MED13L: variants seen among roughly 807,000 people sequenced by gnomAD.
The protein encoded by MED13L is mediator complex subunit 13L.
Under a neutral mutation model 220.9 loss-of-function variants are expected in MED13L, and 7 were observed. The observed-to-expected ratio is 0.03, with a 90% confidence interval of 0.02 to 0.06. The LOEUF (loss-of-function observed/expected upper bound fraction) is 0.06. Ranked by LOEUF, MED13L falls within the 10% of genes least tolerant of loss-of-function variation. The pLI is 1.00. For missense variants in MED13L, 1,965 were observed against 2,760.5 expected (o/e 0.71, Z 6.46); for synonymous variants, 1,011 against 1,015.2 (o/e 1.00, Z 0.08).
chr12:116,260,103 T>C (rs986820126), intron 1 of MED13L, among the ~76,000 whole-genome samples: 1 of 152,214 alleles, frequency 6.6e-6, no homozygotes, highest in Non-Finnish European at 1.5e-5. Context: ...TTGTATTTCT[T>C]GGAAATATTT....
chr12:116,023,104 G>C (rs1241331918), intron 4 of MED13L, among the ~76,000 whole-genome samples: 2 of 152,038 alleles, frequency 1.3e-5, no homozygotes, highest in Non-Finnish European at 2.9e-5. Flanking sequence ...AAACCAGCCT[G>C]GGCAACATAA....
chr12:116,042,245 G>A (rs188430917), intron 4 of MED13L, among the ~76,000 whole-genome samples: 1 of 152,310 alleles, frequency 6.6e-6, no homozygotes, highest in East Asian at 1.9e-4. Flanking sequence ...TTCTAACTGG[G>A]TTATTTAAAG....
intron 2 of MED13L, among the ~76,000 whole-genome samples, chr12:116,190,257 TGA>T: frequency 6.6e-6 from 1 of 152,210 alleles, no homozygotes; most frequent in Non-Finnish European, 1.5e-5. Context: ...ACAATTTTTC[TGA>T]GAGTTTTTAA....
intron 2 of MED13L, among the ~76,000 whole-genome samples, chr12:116,121,118 G>A (rs1169324851): frequency 1.3e-5 from 2 of 152,060 alleles, no homozygotes; most frequent in Non-Finnish European, 2.9e-5. Flanking sequence ...ATGTGTTTAC[G>A]TTGCTGTTAT....
At chr12:116,166,004 C>T (rs536425104) in intron 2 of MED13L, among the ~76,000 whole-genome samples, 2 of 152,280 alleles carry the variant, frequency 1.3e-5, no homozygotes, top group South Asian at 4.1e-4. Flanking sequence ...ATTGTCATTC[C>T]TCTCTTCATC....
At chr12:116,051,849 AT>A (rs1868533769) in intron 4 of MED13L, among the ~76,000 whole-genome samples, 1 of 152,142 alleles carries the variant, frequency 6.6e-6, no homozygotes, top group Admixed American at 6.6e-5. Flanking sequence ...AGTATTTCAG[AT>A]TTTGGACTGA....
chr12:116,013,634 A>T (rs73198007), intron 8 of MED13L, among the ~76,000 whole-genome samples: 8 of 152,378 alleles, frequency 5.3e-5, no homozygotes, highest in African/African-American at 1.4e-4. Context: ...AGCATTTAAG[A>T]GCAGCACTCC....
At chr12:116,134,382 C>T (rs1876340509) in intron 2 of MED13L, among the ~76,000 whole-genome samples, 1 of 152,130 alleles carries the variant, frequency 6.6e-6, no homozygotes, top group South Asian at 2.1e-4. Context: ...GCTGAATTTA[C>T]AATTTATATT....
At chr12:116,241,689 T>C (rs189322354) in intron 1 of MED13L, among the ~76,000 whole-genome samples, 2 of 152,342 alleles carry the variant, frequency 1.3e-5, no homozygotes, top group Non-Finnish European at 2.9e-5. Flanking sequence ...TTCTTACAAA[T>C]GCAAGTGACA....
chr12:116,114,404 C>T (rs1314287650), intron 2 of MED13L, among the ~76,000 whole-genome samples: 1 of 152,172 alleles, frequency 6.6e-6, no homozygotes, highest in Non-Finnish European at 1.5e-5. Flanking sequence ...ACCACAATTG[C>T]TGTATAGCTG....
chr12:116,259,223 AT>A (rs1166716593), intron 1 of MED13L, among the ~76,000 whole-genome samples: 3 of 152,240 alleles, frequency 2.0e-5, no homozygotes, highest in Non-Finnish European at 2.9e-5. Context: ...ATTTACTGAC[AT>A]AAAAATACTT....
intron 2 of MED13L, among the ~76,000 whole-genome samples, chr12:116,234,577 A>C (rs1869892432): frequency 6.6e-6 from 1 of 151,914 alleles, no homozygotes; most frequent in Non-Finnish European, 1.5e-5. Flanking sequence ...GAAACAGTAA[A>C]ATGTCCCTAT....
chr12:116,033,747 A>AGT (rs78671683), intron 4 of MED13L, among the ~76,000 whole-genome samples: 3,470 of 151,260 alleles, frequency 0.023, 61 homozygotes, highest in African/African-American at 0.048. Context: ...ATGAATCATG[A>AGT]GTGTGTGTGT....
chr12:116,216,503 T>G (rs190802188), intron 2 of MED13L, among the ~76,000 whole-genome samples: 1 of 152,268 alleles, frequency 6.6e-6, no homozygotes, highest in East Asian at 1.9e-4. Context: ...GAATCAATGC[T>G]TGCCTCAAGA....
intron 4 of MED13L, among the ~76,000 whole-genome samples, chr12:116,084,758 A>T (rs1217391371): frequency 2.0e-5 from 3 of 150,934 alleles, no homozygotes; most frequent in African/African-American, 7.3e-5. Flanking sequence ...TGGGTGACAG[A>T]GCAGGACCCT....
chr12:116,127,107 T>A (rs1426282981), intron 2 of MED13L, among the ~76,000 whole-genome samples: 1 of 152,260 alleles, frequency 6.6e-6, no homozygotes, highest in Non-Finnish European at 1.5e-5. Flanking sequence ...ATAGTTTAAA[T>A]ACCAGCTATT....
At chr12:116,233,124 G>C (rs1869739973) in intron 2 of MED13L, among the ~76,000 whole-genome samples, 1 of 148,818 alleles carries the variant, frequency 6.7e-6, no homozygotes, top group South Asian at 2.1e-4. Context: ...AGAAGTATTT[G>C]TTTGGTAGAT....
chr12:116,011,156 A>G (rs918728343), intron 9 of MED13L, among the ~76,000 whole-genome samples: 3 of 152,088 alleles, frequency 2.0e-5, no homozygotes, highest in Non-Finnish European at 4.4e-5. Flanking sequence ...AAGTGCTAGG[A>G]TTACAGGCGT....
At chr12:116,151,969 C>T (rs1878074419) in intron 2 of MED13L, among the ~76,000 whole-genome samples, 1 of 152,130 alleles carries the variant, frequency 6.6e-6, no homozygotes, top group Admixed American at 6.6e-5. Flanking sequence ...ATCTGGACCC[C>T]TCAAATACAA....
Sources: allele counts gnomAD v4.1 joint callset (sites outside exome capture counted in the v4.1 genomes callset), GRCh38; gene constraint gnomAD v4.1.1; transcripts MANE v1.5; gene names NCBI Gene and HGNC (gene_info 2026-07-23, HGNC 2026-07-21).